ZWILCH: variants seen among roughly 807,000 people sequenced by gnomAD.
The protein encoded by ZWILCH is zwilch kinetochore protein.
In ZWILCH, 74 loss-of-function variants were observed where a neutral mutation model predicts 79.9. The ratio of observed to expected loss-of-function variants is 0.93; its 90% confidence interval spans 0.77 to 1.12. ZWILCH has a LOEUF of 1.12. Among genes scored for constraint, ZWILCH ranks in the 50% most tolerant of loss-of-function variants. The pLI is 0.00. For synonymous variants in ZWILCH, 241 were observed against 228.2 expected, an observed-to-expected ratio of 1.06 and a Z score of -0.51; for missense variants, 694 against 687.5, an observed-to-expected ratio of 1.01 and a Z score of -0.11.
chr15:66,517,471 T>TA (rs1460996597), intron 4 of ZWILCH, among the ~76,000 whole-genome samples: 1 of 132,632 alleles, frequency 7.5e-6, no homozygotes, highest in Non-Finnish European at 1.6e-5. Context: ...TGTACACACA[T>TA]ACACCATTTT....
intron 1 of ZWILCH, chr15:66,505,765 G>C (rs772190165): frequency 3.2e-5 from 9 of 281,074 alleles, no homozygotes; most frequent in Non-Finnish European, 4.7e-5. Context: ...ATGAAATGTG[G>C]TGTTAGTCTG....
chr15:66,530,165 G>A (rs950589603), intron 12 of ZWILCH, among the ~76,000 whole-genome samples: 11 of 152,168 alleles, frequency 7.2e-5, no homozygotes, highest in Non-Finnish European at 2.9e-5. Flanking sequence ...GCTACATATG[G>A]CACATGTAAT....
At chr15:66,526,091 C>G (rs1034288704) in intron 8 of ZWILCH, among the ~76,000 whole-genome samples, 1 of 152,094 alleles carries the variant, frequency 6.6e-6, no homozygotes, top group African/African-American at 2.4e-5. Context: ...AAGACCTCCC[C>G]CCGGGAGTGG....
chr15:66,514,144 G>A, intron 3 of ZWILCH, 61 bp downstream of exon 3: 1 of 1,216,950 alleles, frequency 8.2e-7, no homozygotes, highest in Admixed American at 2.2e-5. Flanking sequence ...GGTTTCTTGG[G>A]AATAATCTAA....
At chr15:66,530,029 A>G (rs1894811587) in intron 12 of ZWILCH, among the ~76,000 whole-genome samples, 1 of 152,242 alleles carries the variant, frequency 6.6e-6, no homozygotes, top group Non-Finnish European at 1.5e-5. Flanking sequence ...CTAAGCTCAT[A>G]CACATAAATA....
intron 8 of ZWILCH, chr15:66,524,506 G>A (rs1894608107): frequency 6.6e-6 from 1 of 152,058 alleles, no homozygotes; most frequent in Admixed American, 6.6e-5. Context: ...ATCTTCTGGT[G>A]TGTGCATCTT....
chr15:66,511,640 A>G (rs912030718), intron 2 of ZWILCH, among the ~76,000 whole-genome samples: 3 of 151,046 alleles, frequency 2.0e-5, no homozygotes, highest in African/African-American at 7.3e-5. Flanking sequence ...TTTATTTGAG[A>G]TGGAGTCACT....
chr15:66,509,870 T>TATATATAG lies in ZWILCH; in HGVS notation c.105+978_105+979insATATATAG, dbSNP rs1491513134. 2.1e-3 allele frequency among the ~76,000 whole-genome samples: 215 copies of TATATATAG among 100,548 alleles called. 6 individuals are homozygous for TATATATAG. The highest frequency in any genetic ancestry group is 2.7e-3 in the Non-Finnish European group (135 of 49,548). 66.0% of individuals were successfully genotyped at this position (100,548 alleles called of 152,430 possible). Reference sequence around the variant, plus strand: ...ATATATATATATATATATATATATATCTCTTAAAAATCAATGAGGAAGATG... The same window carrying TATATATAG: ...ATATATATATATATATATATATATATATATATAGCTCTTAAAAATCAATGAGGAAGATG... On this transcript the variant is annotated intron_variant, in intron 2 of 18. Coordinates refer to ENST00000307897, the MANE Select transcript of ZWILCH (RefSeq NM_017975.5).
intron 4 of ZWILCH, among the ~76,000 whole-genome samples, chr15:66,517,430 G>GTATATATATATATATATATA (rs1555424251): frequency 3.0e-5 from 2 of 66,526 alleles, no homozygotes; most frequent in African/African-American, 6.1e-5. Flanking sequence ...GTGTGTGTGT[G>GTATATATATATATATATATA]TATATATATA....
At chr15:66,523,552 T>A in intron 7 of ZWILCH, 125 bp from the exon 8 acceptor site, 1 of 629,798 alleles carries the variant, frequency 1.6e-6, no homozygotes, top group Non-Finnish European at 2.8e-6. Context: ...CATTTTTCAA[T>A]TCATTGGTCC....
chr15:66,526,585 G>T (rs568201564), intron 8 of ZWILCH, among the ~76,000 whole-genome samples: 2 of 151,632 alleles, frequency 1.3e-5, no homozygotes, highest in Non-Finnish European at 2.9e-5. Flanking sequence ...TCAGCCTCCC[G>T]AGTAGCTGGG....
At chr15:66,513,801 G>A in intron 2 of ZWILCH, 187 bp from the exon 3 acceptor site, 1 of 335,364 alleles carries the variant, frequency 3.0e-6, no homozygotes, top group Non-Finnish European at 5.6e-6. Context: ...TCAATCTCCT[G>A]ACCTCGTGAT....
chr15:66,515,459 A>G, intron 3 of ZWILCH, 67 bp from the exon 4 acceptor site: 2 of 926,206 alleles, frequency 2.2e-6, no homozygotes, highest in Non-Finnish European at 1.7e-6. Flanking sequence ...TCTGTAGCAT[A>G]GTAAAGAGTC....
At chr15:66,510,988 A>G (rs988530277) in intron 2 of ZWILCH, among the ~76,000 whole-genome samples, 1 of 152,186 alleles carries the variant, frequency 6.6e-6, no homozygotes, top group African/African-American at 2.4e-5. Flanking sequence ...TAGGAACTGG[A>G]GGTTAGACCT....
intron 17 of ZWILCH, among the ~76,000 whole-genome samples, chr15:66,542,883 A>C (rs1053504275): frequency 6.6e-6 from 1 of 152,178 alleles, no homozygotes; most frequent in African/African-American, 2.4e-5. Flanking sequence ...GAGAAATGCA[A>C]ATTTATATTA....
chr15:66,536,681 C>G (rs919908625), intron 15 of ZWILCH, among the ~76,000 whole-genome samples: 1 of 147,032 alleles, frequency 6.8e-6, no homozygotes, highest in Non-Finnish European at 1.5e-5. Flanking sequence ...CAATTTGCCT[C>G]AGTTGTAGAG....
intron 14 of ZWILCH, among the ~76,000 whole-genome samples, chr15:66,533,458 C>G (rs1894913876): frequency 1.3e-5 from 2 of 151,992 alleles, no homozygotes; most frequent in South Asian, 4.1e-4. Context: ...TTTTCCTAGC[C>G]CATTCAGAAA....
intron 1 of ZWILCH, among the ~76,000 whole-genome samples, chr15:66,507,365 T>C (rs936598448): frequency 1.7e-4 from 26 of 152,356 alleles, no homozygotes; most frequent in African/African-American, 6.0e-4. Context: ...GATCCTCTTA[T>C]TCTTCCTCCA....
At chr15:66,509,836 T>G (rs1205767131) in intron 2 of ZWILCH, among the ~76,000 whole-genome samples, 2 of 60,018 alleles carry the variant, frequency 3.3e-5, no homozygotes, top group African/African-American at 1.1e-4. Flanking sequence ...TATATATATA[T>G]ATATATATAT....
Sources: gnomAD v4.1 joint callset for allele counts (sites outside exome capture counted in the v4.1 genomes callset) on GRCh38, gnomAD v4.1.1 for gene constraint, MANE v1.5 for transcripts, NCBI Gene and HGNC (gene_info 2026-07-23, HGNC 2026-07-21) for gene names.